The following GNG3 variants were observed in gnomAD, a reference collection of about 807,000 sequenced individuals.
GNG3 encodes the protein guanine nucleotide-binding protein G(I)/G(S)/G(O) subunit gamma-3.
GNG3 carries 4 observed loss-of-function variants against 5.6 expected under a neutral mutation model. The ratio of observed to expected loss-of-function variants is 0.71; its 90% CI spans 0.35 to 1.63. The LOEUF (loss-of-function observed/expected upper bound fraction) is 1.63, where lower values mean the gene tolerates loss of function less well. Among genes scored for constraint, GNG3 ranks in the 40% most tolerant of loss-of-function variants. GNG3 has a pLI of 0.05. For missense variants in GNG3, 62 were observed against 96.6 expected, an observed-to-expected ratio of 0.64 and a Z score of 1.50; for synonymous variants, 30 against 33.5, an observed-to-expected ratio of 0.89 and a Z score of 0.36.
At chr11:62,707,136 G>C (rs115116507), upstream of GNG3, 10,689 of 1,554,368 alleles carry the variant, frequency 6.9e-3, 622 homozygotes, top group African/African-American at 0.13. Flanking sequence ...CTTTGATCTG[G>C]TCTCCGCACA....
At chr11:62,706,770 C>T (rs560327966), upstream of GNG3, 109 of 545,118 alleles carry the variant, frequency 2.0e-4, no homozygotes, top group African/African-American at 1.9e-3. Flanking sequence ...GGGCCTCTTG[C>T]GTTGTTGCGC....
At chr11:62,708,197 T>TG (rs2083574810) in intron 1 of GNG3, 98 bp from the exon 2 acceptor site, 1 of 808,084 alleles carries the variant, frequency 1.2e-6, no homozygotes, top group Admixed American at 1.8e-5. Flanking sequence ...AACAAAATAT[T>TG]GGGGTATGAC....
At chr11:62,707,424 T>C, upstream of GNG3, 1 of 699,630 alleles carries the variant, frequency 1.4e-6, no homozygotes, top group Non-Finnish European at 2.6e-6. Flanking sequence ...GATTTTCAAA[T>C]GAGCAGGGTC....
chr11:62,706,959 G>A, upstream of GNG3: 1 of 703,978 alleles, frequency 1.4e-6, no homozygotes, highest in Non-Finnish European at 2.5e-6. Context: ...GGCCAGTGTT[G>A]TGTACATCTT....
chr11:62,706,856 C>T (rs1370210806), upstream of GNG3: 2 of 603,454 alleles, frequency 3.3e-6, no homozygotes. Context: ...CACTCTCCCT[C>T]AGAGTCCCCA....
At chr11:62,706,953 AGTG>A (rs1158337716), upstream of GNG3, among the ~76,000 whole-genome samples, 3 of 152,232 alleles carry the variant, frequency 2.0e-5, no homozygotes, top group Non-Finnish European at 4.4e-5. Context: ...AGGCAAGGCC[AGTG>A]TTGTGTACAT....
rs754617907 is a variant in GNG3, at chr11:62,708,312, C to G, written c.17C>G (p.Pro6Arg). MKGET[P>R]VNSTMSIGQA... ...TTTTCCAGGATGAAAGGTGAGACCC[C>G]GGTGAACAGCACTATGAGTATTGGG... is the stretch of plus-strand genomic sequence containing the variant. Residue 6 changes from proline to arginine, a missense_variant, in exon 2 of 3, where the codon CCG (proline) becomes CGG (arginine). By Grantham distance (103) the Pro-to-Arg change is moderately radical. Transcript: ENST00000294117. 2 of 1,611,758 alleles carry G rather than the reference C, an allele frequency of 1.2e-6. No individual in the cohort carries two copies. The highest frequency in any genetic ancestry group is 1.7e-6 in the Non-Finnish European group (2 of 1,177,812).
At chr11:62,707,121 C>T (rs546863111), upstream of GNG3, 8 of 1,553,956 alleles carry the variant, frequency 5.1e-6, no homozygotes, top group South Asian at 3.6e-5. Context: ...CCTCTTTGTC[C>T]GGTCCTTTGA....
upstream of GNG3, chr11:62,707,289 C>T (rs2083557458): frequency 1.8e-6 from 2 of 1,098,580 alleles, no homozygotes; most frequent in South Asian, 2.7e-5. Context: ...ACCTGTGGCG[C>T]ATCACATTTT....
At chr11:62,707,544 CAG>C, upstream of GNG3, 1 of 601,816 alleles carries the variant, frequency 1.7e-6, no homozygotes, top group Non-Finnish European at 3.0e-6. Context: ...GTCTCTAGCC[CAG>C]AGTCAGGATG....
chr11:62,707,543 CCA>C, upstream of GNG3: 1 of 602,648 alleles, frequency 1.7e-6, no homozygotes. Context: ...GGTCTCTAGC[CCA>C]GAGTCAGGAT....
upstream of GNG3, chr11:62,707,338 G>A: frequency 1.3e-6 from 1 of 778,080 alleles, no homozygotes; most frequent in Non-Finnish European, 2.2e-6. Context: ...GGAGAGAAAC[G>A]AAGATTCAGG....
chr11:62,708,836 C>T lies in GNG3; in HGVS notation c.*30C>T, dbSNP rs779345630. 4.0e-5 allele frequency: 62 copies of T among 1,554,568 alleles called. No individual in the cohort carries two copies. Among genetic ancestry groups the T allele is most frequent in the African/African-American group, 5.4e-5 (4 of 73,786 alleles). The stretch of plus-strand genomic sequence containing the variant: ...CCCTGTCCCTTCTCACAACTCCTCC[C>T]TTTTCCCTCTCCTGGGCCCTTCCTT... On this transcript the variant is annotated 3_prime_UTR_variant, in exon 3 of 3. Transcript: ENST00000294117.
intron 1 of GNG3, 104 bp downstream of exon 1, chr11:62,708,019 A>C: frequency 2.1e-6 from 1 of 473,356 alleles, no homozygotes. Context: ...CTGGGAACAC[A>C]CATGGTTTGA....
intron 2 of GNG3, 34 bp downstream of exon 2, chr11:62,708,428 G>A (rs764816025): frequency 1.4e-6 from 2 of 1,458,554 alleles, no homozygotes; most frequent in Non-Finnish European, 1.9e-6. Flanking sequence ...CCATTAGTTG[G>A]CCAGGCTGTG....
Position 62,708,937 on chromosome 11 carries a change from C to A in GNG3, c.*131C>A. The A allele has an allele frequency of 1.3e-6, 1 of 744,172 alleles. No individual in the cohort carries two copies. The highest frequency in any genetic ancestry group is 1.6e-5 in the South Asian group (1 of 60,824). The allele number at this position is 744,172 out of a possible 1,614,324, so 46.1% of individuals were successfully genotyped here. ...CCCTTGCCTGACCATGTGAGGTTAT[C>A]TGAAGCACAAGGCCCACCCTCACCT... On this transcript the variant is annotated 3_prime_UTR_variant, in exon 3 of 3. Transcript: ENST00000294117.
chr11:62,708,562 G>A (rs917683963), intron 2 of GNG3, 116 bp from the exon 3 acceptor site: 1 of 1,448,690 alleles, frequency 6.9e-7, no homozygotes, highest in South Asian at 1.2e-5. Context: ...GGGGATGAGG[G>A]AGAAGACAAG....
At position 62,708,831 on chromosome 11, in the gene GNG3, C is replaced by G; in HGVS notation, c.*25C>G. On this transcript the variant is annotated 3_prime_UTR_variant, in exon 3 of 3. Transcript: ENST00000294117. Reference sequence around the variant, plus strand: ...AGCTCCCCTGTCCCTTCTCACAACTCCTCCCTTTTCCCTCTCCTGGGCCCT... The same window carrying G: ...AGCTCCCCTGTCCCTTCTCACAACTGCTCCCTTTTCCCTCTCCTGGGCCCT... 1 of 1,573,814 alleles carries G rather than the reference C, an allele frequency of 6.4e-7. No individual in the cohort carries two copies. Among genetic ancestry groups the G allele is most frequent in the Non-Finnish European group, 8.7e-7 (1 of 1,144,506 alleles).
chr11:62,708,094 G>T, intron 1 of GNG3, 179 bp downstream of exon 1: 1 of 601,810 alleles, frequency 1.7e-6, no homozygotes, highest in Non-Finnish European at 3.0e-6. Flanking sequence ...CCATGAGGGA[G>T]TTTGGGGAGC....
Sources: allele counts gnomAD v4.1 joint callset (sites outside exome capture counted in the v4.1 genomes callset), GRCh38; gene constraint gnomAD v4.1.1; transcripts MANE v1.5; gene names NCBI Gene and HGNC (gene_info 2026-07-23, HGNC 2026-07-21).